The following VIT variants were observed in gnomAD, a reference collection of about 807,000 sequenced individuals.
The protein encoded by VIT is vitrin.
VIT carries 99 observed loss-of-function variants against 78.0 expected under a neutral mutation model. That is an observed-to-expected ratio of 1.27 (90% confidence interval 1.08 to 1.50). The LOEUF (loss-of-function observed/expected upper bound fraction) is 1.50, where lower values mean the gene tolerates loss of function less well. Ranked by LOEUF, VIT falls within the 40% of genes most tolerant of loss-of-function variation. The pLI is 0.00. For synonymous variants in VIT, 374 were observed against 334.3 expected (o/e 1.12, Z -1.29); for missense variants, 1,126 against 875.3 (o/e 1.29, Z -3.61).
In VIT at chr2:36,798,087, AAGAG is replaced by A. The variant is rs1666039365; in HGVS notation, c.1059-3210_1059-3207del. On this transcript the variant is annotated intron_variant, in intron 12 of 15. Transcript: ENST00000379242. ...TGGAATATCCTAAAAAAGAGAGTGAAAGAGAGAATAAGAAAGAGAACAGCCTTAA... is the reference window on the plus strand; with the variant it reads ...TGGAATATCCTAAAAAAGAGAGTGAAAGAATAAGAAAGAGAACAGCCTTAA... Among the ~76,000 whole-genome samples, 2 of 152,340 alleles carry A rather than the reference AAGAG, an allele frequency of 1.3e-5. 1 individual carries two copies. Among genetic ancestry groups the A allele is most frequent in the East Asian group, 3.9e-4 (2 of 5,190 alleles).
chr2:36,697,409 G>A (rs962465886), intron 1 of VIT, among the ~76,000 whole-genome samples: 1 of 152,236 alleles, frequency 6.6e-6, no homozygotes, highest in African/African-American at 2.4e-5. Flanking sequence ...GGGCACATTG[G>A]TGCTAACTTA....
At chr2:36,726,918 C>A (rs1046197249) in intron 2 of VIT, among the ~76,000 whole-genome samples, 1 of 150,462 alleles carries the variant, frequency 6.6e-6, no homozygotes, top group African/African-American at 2.4e-5. Flanking sequence ...GGAGACTCAT[C>A]ACGAGGTCTG....
At position 36,776,665 on chromosome 2, in the gene VIT, C is replaced by T. The variant is rs867231626; in HGVS notation, c.802+1598C>T. ...AAAATACAACAATGAGCCGGTGGTG[C>T]GTGCCTGTAATCCCAGTTACTCGGG... On this transcript the variant is annotated intron_variant, in intron 9 of 15. Transcript: ENST00000379242. 5.9e-5 allele frequency among the ~76,000 whole-genome samples: 9 copies of T among 151,778 alleles called. 1 individual carries two copies. The highest frequency in any genetic ancestry group is 4.2e-4 in the South Asian group (2 of 4,806).
At chr2:36,779,886 G>A (rs1277230297) in intron 9 of VIT, among the ~76,000 whole-genome samples, 2 of 152,102 alleles carry the variant, frequency 1.3e-5, no homozygotes, top group African/African-American at 4.8e-5. Flanking sequence ...GACAGTGTAG[G>A]GAAAGTCTTT....
chr2:36,705,001 T>G (rs1665322753), intron 1 of VIT, among the ~76,000 whole-genome samples: 1 of 152,120 alleles, frequency 6.6e-6, no homozygotes, highest in Non-Finnish European at 1.5e-5. Context: ...CAGCTCCAAA[T>G]TCACAGTAGA....
chr2:36,798,294 G>A (rs1004723840), intron 12 of VIT, among the ~76,000 whole-genome samples: 8 of 152,144 alleles, frequency 5.3e-5, no homozygotes, highest in African/African-American at 1.9e-4. Context: ...GGATTCTTAG[G>A]GGCAGCCAGA....
intron 9 of VIT, among the ~76,000 whole-genome samples, chr2:36,776,790 A>G (rs529308567): frequency 4.1e-4 from 62 of 149,994 alleles, no homozygotes; most frequent in African/African-American, 1.5e-3. Context: ...GTGAGACTCC[A>G]TCTCAAAAAA....
At chr2:36,705,470 G>A (rs1665358063) in intron 1 of VIT, among the ~76,000 whole-genome samples, 1 of 152,162 alleles carries the variant, frequency 6.6e-6, no homozygotes, top group Admixed American at 6.5e-5. Flanking sequence ...TCCTAACACA[G>A]TACAAAATAA....
At position 36,808,565 on chromosome 2, in the gene VIT, GAC is replaced by G. The variant is rs771372063; in HGVS notation, c.1486_1487del (p.Thr496Ter). On this transcript the variant is annotated frameshift_variant, in exon 15 of 16. Coordinates refer to ENST00000379242, the MANE Select transcript of VIT (RefSeq NM_053276.4). LOFTEE classifies it high-confidence loss of function. ...GCAGCCTCTGGTGAAGCGGGTCTGC[GAC>G]ACTGACCGCCTGGCCTGCAGCAAGA... ...TLQPLVKRVC[D>X]TDRLACSKTC... The G allele has an allele frequency of 3.7e-6, 6 of 1,613,976 alleles. No individual in the cohort carries two copies. The South Asian group carries it at 6.6e-5, about 18-fold the overall frequency.
chr2:36,743,139 T>A lies in VIT; in HGVS notation c.158T>A (p.Ile53Asn), dbSNP rs1187386157. The change falls in exon 4 of 16, where the codon ATC becomes AAC. Residue 53 changes from isoleucine (I) to asparagine (N), a missense_variant. By Grantham distance (149) the Ile-to-Asn change is moderately radical. Transcript: ENST00000379242. ...AACTGCGATGTCAAAGCCGGAAAGA[T>A]CATCGATCCTGAGTTCATTGTGAAA... ...QINCDVKAGK[I>N]IDPEFIVKCP... 2 of 1,614,080 alleles carry A rather than the reference T, an allele frequency of 1.2e-6. No individual in the cohort carries two copies. Among genetic ancestry groups the A allele is most frequent in the Admixed American group, 3.3e-5 (2 of 60,020 alleles).
chr2:36,783,647 T>C (rs1419347416), intron 11 of VIT, among the ~76,000 whole-genome samples: 1 of 151,966 alleles, frequency 6.6e-6, no homozygotes, highest in Admixed American at 6.6e-5. Flanking sequence ...AAGAATGGGA[T>C]GGAACGGAAA....
At chr2:36,735,400 A>T (rs1338617365) in intron 3 of VIT, among the ~76,000 whole-genome samples, 1 of 152,008 alleles carries the variant, frequency 6.6e-6, no homozygotes, top group East Asian at 1.9e-4. Context: ...ATTAAGTCTG[A>T]CTCCAAACTG....
intron 15 of VIT, among the ~76,000 whole-genome samples, chr2:36,810,247 G>A (rs190189228): frequency 8.5e-5 from 13 of 152,302 alleles, no homozygotes; most frequent in Admixed American, 4.6e-4. Context: ...AGCCGAGATC[G>A]TGCCATTGCA....
At chr2:36,734,598 G>A (rs555278157) in intron 3 of VIT, among the ~76,000 whole-genome samples, 13 of 152,288 alleles carry the variant, frequency 8.5e-5, no homozygotes, top group African/African-American at 3.1e-4. Context: ...ATGGGAGAAG[G>A]AGAAGAGCAT....
chr2:36,700,010 TGTTA>T (rs67326626), intron 1 of VIT, among the ~76,000 whole-genome samples: 97,380 of 151,390 alleles, frequency 0.64, 32,427 homozygotes, highest in Non-Finnish European at 0.74. Context: ...CAGTGCCAAA[TGTTA>T]GTTAATTTTT....
At chr2:36,758,397 T>A (rs920546768) in intron 5 of VIT, among the ~76,000 whole-genome samples, 2 of 152,248 alleles carry the variant, frequency 1.3e-5, no homozygotes, top group African/African-American at 4.8e-5. Context: ...GCAATTTTTT[T>A]ATGCTTATTT....
At chr2:36,758,933 G>A in intron 5 of VIT, 36 bp from the exon 6 acceptor site, 1 of 1,580,074 alleles carries the variant, frequency 6.3e-7, no homozygotes, top group South Asian at 1.1e-5. Context: ...TCTAGCTCTA[G>A]AAATAAATCT....
chr2:36,767,570 T>C (rs1035802501), intron 7 of VIT, among the ~76,000 whole-genome samples: 2 of 152,212 alleles, frequency 1.3e-5, no homozygotes, highest in Non-Finnish European at 2.9e-5. Context: ...ATGTAAACAT[T>C]GTTGGGGTTT....
intron 12 of VIT, among the ~76,000 whole-genome samples, chr2:36,796,961 A>C (rs903527245): frequency 6.6e-6 from 1 of 152,210 alleles, no homozygotes; most frequent in African/African-American, 2.4e-5. Flanking sequence ...AAATTTTACT[A>C]TTAATGTTTT....
Sources: allele counts gnomAD v4.1 joint callset (sites outside exome capture counted in the v4.1 genomes callset), GRCh38; gene constraint gnomAD v4.1.1; transcripts MANE v1.5; gene names NCBI Gene and HGNC (gene_info 2026-07-23, HGNC 2026-07-21).